LYPD1: variants seen among roughly 807,000 people sequenced by gnomAD.
LYPD1 encodes the protein LY6/PLAUR domain containing 1, also known as ly6/PLAUR domain-containing protein 1.
In LYPD1, 14 loss-of-function variants were observed where a neutral mutation model predicts 14.2. That is an observed-to-expected ratio of 0.99 (90% CI 0.65 to 1.54). The LOEUF (loss-of-function observed/expected upper bound fraction) is 1.54, where lower values mean the gene tolerates loss of function less well. Ranked by LOEUF, LYPD1 falls within the 40% of genes most tolerant of loss-of-function variation. The pLI is 0.00. For synonymous variants in LYPD1, 85 were observed against 70.6 expected, an observed-to-expected ratio of 1.20 and a Z score of -1.02; for missense variants, 165 against 175.7, an observed-to-expected ratio of 0.94 and a Z score of 0.34.
Position 132,669,781 on chromosome 2 carries a change from C to T in LYPD1, c.52+100G>A. 1 of 1,540,622 alleles carries T rather than the reference C, an allele frequency of 6.5e-7. No homozygotes were observed. The highest frequency in any genetic ancestry group is 8.7e-7 in the Non-Finnish European group (1 of 1,147,956). The stretch of plus-strand genomic sequence containing the variant: ...CAACTCCCGCTGGGCAGCCCCAGCG[C>T]AGGGCTGGCCCCGAGGTGGGCGCCT... On this transcript the variant is annotated intron_variant, in intron 1 of 2. Coordinates refer to ENST00000397463, the MANE Select transcript of LYPD1 (RefSeq NM_144586.7). The surrounding 1 kb of genome is among the most constrained non-coding windows in gnomAD (Gnocchi z 4.3).
intron 2 of LYPD1, among the ~76,000 whole-genome samples, chr2:132,658,199 G>A (rs1682716226): frequency 6.6e-6 from 1 of 152,204 alleles, no homozygotes; most frequent in Non-Finnish European, 1.5e-5. Flanking sequence ...AAGAAAAATG[G>A]AGAAATTTTG....
chr2:132,662,355 G>C, intron 2 of LYPD1, among the ~76,000 whole-genome samples: 1 of 152,254 alleles, frequency 6.6e-6, no homozygotes, highest in African/African-American at 2.4e-5. Context: ...ATTTTACAAG[G>C]GGGGAGGCTA....
At chr2:132,668,722 C>T (rs867205726) in intron 1 of LYPD1, among the ~76,000 whole-genome samples, 185 bp from the exon 2 acceptor site, 6 of 152,208 alleles carry the variant, frequency 3.9e-5, no homozygotes, top group Middle Eastern at 3.4e-3. Flanking sequence ...ACCTAGGGTC[C>T]TACGGAAGAA....
At chr2:132,668,760 C>T (rs1004884095) in intron 1 of LYPD1, among the ~76,000 whole-genome samples, 3 of 152,124 alleles carry the variant, frequency 2.0e-5, no homozygotes, top group Admixed American at 2.0e-4. Flanking sequence ...CACCCCTGGA[C>T]CCCGGCTCTA....
At position 132,645,397 on chromosome 2, in the gene LYPD1, G is replaced by A. The variant is rs368703441; in HGVS notation, c.*648C>T. 12 of 1,613,504 alleles carry A rather than the reference G, an allele frequency of 7.4e-6. No individual in the cohort carries two copies. Among genetic ancestry groups the A allele is most frequent in the African/African-American group, 2.7e-5 (2 of 74,930 alleles). On this transcript the variant is annotated 3_prime_UTR_variant, in exon 3 of 3. Coordinates refer to ENST00000397463, the MANE Select transcript of LYPD1 (RefSeq NM_144586.7). ...ACATGCGCACTCCACCACCGACAGC[G>A]CCCGCTTTGTGCAGCGCCCGTTGCT...
intron 2 of LYPD1, among the ~76,000 whole-genome samples, chr2:132,661,195 C>T (rs1682914207): frequency 6.6e-6 from 1 of 152,130 alleles, no homozygotes; most frequent in African/African-American, 2.4e-5. Flanking sequence ...AGGAATAGCC[C>T]ATCCATGTGC....
chr2:132,670,706 T>A (rs1683655578), upstream of LYPD1, among the ~76,000 whole-genome samples: 1 of 152,102 alleles, frequency 6.6e-6, no homozygotes, highest in African/African-American at 2.4e-5. The surrounding 1 kb of genome is among the most constrained non-coding windows in gnomAD (Gnocchi z 4.5). Context: ...CCTGGCAAAG[T>A]TCCACGCCCG....
At chr2:132,648,776 T>C (rs1682246272) in intron 2 of LYPD1, among the ~76,000 whole-genome samples, 1 of 152,112 alleles carries the variant, frequency 6.6e-6, no homozygotes, top group Non-Finnish European at 1.5e-5. Context: ...TGAGGCTTTC[T>C]GAAGGGGAAG....
intron 2 of LYPD1, among the ~76,000 whole-genome samples, chr2:132,664,026 C>T (rs955312776): frequency 6.6e-6 from 1 of 151,866 alleles, no homozygotes; most frequent in Admixed American, 6.6e-5. Context: ...AAAGTATATC[C>T]ACACACACAA....
chr2:132,664,325 C>T (rs1345191762), intron 2 of LYPD1, among the ~76,000 whole-genome samples: 2 of 152,040 alleles, frequency 1.3e-5, no homozygotes, highest in African/African-American at 4.8e-5. Flanking sequence ...AGCATTTTTG[C>T]GACATCTAGT....
At chr2:132,670,938 G>A (rs1276548798), upstream of LYPD1, among the ~76,000 whole-genome samples, 1 of 152,150 alleles carries the variant, frequency 6.6e-6, no homozygotes, top group East Asian at 1.9e-4. This position sits in a 1 kb window ranked among gnomAD's most constrained non-coding sequence, Gnocchi z 4.5. Flanking sequence ...ACGCCGTCCC[G>A]GGGACACCTG....
At chr2:132,654,312 G>A (rs927586493) in intron 2 of LYPD1, among the ~76,000 whole-genome samples, 2 of 151,722 alleles carry the variant, frequency 1.3e-5, no homozygotes, top group East Asian at 1.9e-4. Flanking sequence ...TAGGTGGGAT[G>A]ATCATTTGAG....
At position 132,649,871 on chromosome 2, in the gene LYPD1, C is replaced by G. The variant is rs138186876; in HGVS notation, c.191-3591G>C. On this transcript the variant is annotated intron_variant, in intron 2 of 2. Transcript: ENST00000397463. ...AAAAGTACTAAACGACACTTTGGAA[C>G]CTTGGGAGATTTTTTTTTTATGTAA... 6.7e-3 allele frequency among the ~76,000 whole-genome samples: 1,020 copies of G among 151,568 alleles called. 13 individuals are homozygous for G. The highest frequency in any genetic ancestry group is 0.023 in the African/African-American group (951 of 41,436).
At chr2:132,660,871 A>G (rs2104917820) in intron 2 of LYPD1, among the ~76,000 whole-genome samples, 1 of 152,334 alleles carries the variant, frequency 6.6e-6, no homozygotes, top group Middle Eastern at 3.4e-3. Flanking sequence ...TGGACATGGT[A>G]TTCATTGTAG....
chr2:132,661,175 C>T (rs957295240), intron 2 of LYPD1, among the ~76,000 whole-genome samples: 5 of 152,124 alleles, frequency 3.3e-5, no homozygotes, highest in African/African-American at 1.2e-4. Flanking sequence ...GGACCACCAA[C>T]AGGGGCCTCA....
At position 132,659,052 on chromosome 2, in the gene LYPD1, G is replaced by T. The variant is rs72844735; in HGVS notation, c.190+9348C>A. 5.3e-3 allele frequency among the ~76,000 whole-genome samples: 802 copies of T among 152,174 alleles called. 5 individuals carry two copies. Among genetic ancestry groups the T allele is most frequent in the Non-Finnish European group, 5.2e-3 (354 of 68,006 alleles). ...TGACAAAAAGAACTATAAAACCAGG[G>T]GTGGATTACATTTCAGAGTGGTTCC... On this transcript the variant is annotated intron_variant, in intron 2 of 2. Coordinates refer to ENST00000397463, the MANE Select transcript of LYPD1 (RefSeq NM_144586.7).
intron 2 of LYPD1, among the ~76,000 whole-genome samples, chr2:132,667,977 A>G (rs1035406914): frequency 1.3e-5 from 2 of 152,230 alleles, no homozygotes; most frequent in Non-Finnish European, 2.9e-5. Flanking sequence ...GTGTGCCTCT[A>G]TGACAAAACA....
chr2:132,657,696 G>T (rs1475549446), intron 2 of LYPD1, among the ~76,000 whole-genome samples: 2 of 152,188 alleles, frequency 1.3e-5, no homozygotes, highest in Admixed American at 6.5e-5. Context: ...AGAATGGCAT[G>T]TACATCTTGT....
At chr2:132,651,752 A>T (rs1682369037) in intron 2 of LYPD1, among the ~76,000 whole-genome samples, 1 of 152,242 alleles carries the variant, frequency 6.6e-6, no homozygotes, top group African/African-American at 2.4e-5. Context: ...ACCACAAAGC[A>T]ATATAATACG....
Sources: gnomAD v4.1 joint callset for allele counts (sites outside exome capture counted in the v4.1 genomes callset) on GRCh38, gnomAD v4.1.1 for gene constraint, Gnocchi (gnomAD v3.1) non-coding constraint, MANE v1.5 for transcripts, NCBI Gene and HGNC (gene_info 2026-07-23, HGNC 2026-07-21) for gene names.